Variants in GGT1 observed in about 807,000 individuals in gnomAD.
GGT1 encodes the protein gamma-glutamyltransferase 1, also known as glutathione hydrolase 1 proenzyme.
GGT1 carries 21 observed loss-of-function variants against 56.0 expected under a neutral mutation model. That is an observed-to-expected ratio of 0.38 (90% CI 0.27 to 0.54). The LOEUF (loss-of-function observed/expected upper bound fraction) is 0.54, where lower values mean the gene tolerates loss of function less well. Among genes scored for constraint, GGT1 ranks in the 20% least tolerant of loss-of-function variants. The probability of loss-of-function intolerance (pLI) is 0.82; values close to 1 mark genes in which losing one functional copy is unlikely to be tolerated. For synonymous variants in GGT1, 238 were observed against 342.6 expected, an observed-to-expected ratio of 0.69 and a Z score of 3.37; for missense variants, 466 against 787.0, an observed-to-expected ratio of 0.59 and a Z score of 4.88.
the GGT1 span, among the ~76,000 whole-genome samples, chr22:24,585,175 A>T: frequency 6.6e-6 from 1 of 152,106 alleles, no homozygotes; most frequent in East Asian, 1.9e-4. Flanking sequence ...GGCAAGCAGC[A>T]CTGTACCCTG....
At chr22:24,586,436 TGGACTAGGCAACCA>T in the GGT1 span, 2 of 1,590,042 alleles carry the variant, frequency 1.3e-6, no homozygotes, top group South Asian at 2.3e-5. Flanking sequence ...CAGGTGGGGA[TGGACTAGGCAACCA>T]GGCAGTCCCC....
At chr22:24,588,272 T>C in the GGT1 span, 159 of 1,613,420 alleles carry the variant, frequency 9.9e-5, no homozygotes, top group Admixed American at 6.2e-4. Context: ...GAGTGAGGGG[T>C]GAGGTGGTAG....
upstream of GGT1, among the ~76,000 whole-genome samples, chr22:24,590,193 C>T (rs1041569256): frequency 6.6e-6 from 1 of 152,112 alleles, no homozygotes; most frequent in Non-Finnish European, 1.5e-5. Flanking sequence ...AGTGCAGTGG[C>T]GTGATCTCAG....
chr22:24,592,964 C>A, upstream of GGT1: 1 of 1,189,608 alleles, frequency 8.4e-7, no homozygotes, highest in Non-Finnish European at 1.0e-6. Flanking sequence ...TCGTAGGGCG[C>A]GGGCCCGCAG....
chr22:24,604,199 G>A (rs891911445), intron 1 of GGT1, among the ~76,000 whole-genome samples: 12 of 151,942 alleles, frequency 7.9e-5, no homozygotes, highest in Non-Finnish European at 1.8e-4. Flanking sequence ...CAGGGTAAGG[G>A]GTGGGTGGGT....
chr22:24,589,803 C>T, the GGT1 span: 14 of 1,604,184 alleles, frequency 8.7e-6, no homozygotes, highest in East Asian at 9.0e-5. Flanking sequence ...GCCCAGGGCC[C>T]GTGCCTGCCA....
the GGT1 span, among the ~76,000 whole-genome samples, chr22:24,585,170 G>C: frequency 6.6e-6 from 1 of 152,136 alleles, no homozygotes; most frequent in African/African-American, 2.4e-5. Flanking sequence ...AGGGTGGCAA[G>C]CAGCACTGTA....
At chr22:24,623,745 G>A in intron 10 of GGT1, 35 bp from the exon 11 acceptor site, 2 of 1,607,372 alleles carry the variant, frequency 1.2e-6, no homozygotes, top group Non-Finnish European at 1.7e-6. Context: ...GAGCCTCTGG[G>A]GCTCAGCAAC....
At chr22:24,589,804 G>A in the GGT1 span, 106 of 1,605,528 alleles carry the variant, frequency 6.6e-5, no homozygotes, top group Non-Finnish European at 7.5e-5. Flanking sequence ...CCCAGGGCCC[G>A]TGCCTGCCAG....
upstream of GGT1, among the ~76,000 whole-genome samples, chr22:24,599,992 G>A (rs542230649): frequency 8.5e-5 from 13 of 152,336 alleles, no homozygotes; most frequent in South Asian, 2.5e-3. Flanking sequence ...GCATGGTGTC[G>A]GGACTGGGGC....
upstream of GGT1, among the ~76,000 whole-genome samples, chr22:24,602,959 C>T (rs1569045970): frequency 6.6e-6 from 1 of 152,238 alleles, no homozygotes; most frequent in Non-Finnish European, 1.5e-5. Flanking sequence ...TTCAGCCCCA[C>T]CGAGGCTTTC....
upstream of GGT1, among the ~76,000 whole-genome samples, chr22:24,593,526 G>A (rs1457225004): frequency 6.6e-6 from 1 of 152,140 alleles, no homozygotes; most frequent in African/African-American, 2.4e-5. Flanking sequence ...GGTGGCTCAC[G>A]CCTGTAATCC....
chr22:24,625,917 T>C (rs1238940929), intron 11 of GGT1, among the ~76,000 whole-genome samples: 2 of 149,946 alleles, frequency 1.3e-5, no homozygotes, highest in African/African-American at 5.0e-5. Flanking sequence ...GAGGGCAGAT[T>C]CAGACAGAAC....
chr22:24,588,346 T>A, the GGT1 span: 1 of 1,593,350 alleles, frequency 6.3e-7, no homozygotes, highest in Non-Finnish European at 8.6e-7. Context: ...GAGGGCAGTG[T>A]CACCATGGTG....
intron 5 of GGT1, among the ~76,000 whole-genome samples, chr22:24,614,418 C>A (rs138115984): frequency 7.1e-6 from 1 of 141,340 alleles, no homozygotes; most frequent in Admixed American, 7.1e-5. Flanking sequence ...GAGATAGAGA[C>A]CAGCCTGGCC....
rs796728786 is a variant in GGT1 at position 24,621,003 on chromosome 22, C to T, written c.666C>T (p.Ile222=). ...QLADTYETLA[I]EGAQAFYNGS... ...CTGACACCTACGAGACGCTGGCCAT[C>T]GAGGGTGCCCAGGCCTTCTACAACG... The change falls in exon 9 of 16, where the codon ATC becomes ATT. Residue 222 remains isoleucine (I), a synonymous_variant. Coordinates refer to ENST00000400382, the MANE Select transcript of GGT1 (RefSeq NM_001288833.2). 9 of 1,611,006 alleles carry T rather than the reference C, an allele frequency of 5.6e-6. No homozygotes were observed. Among genetic ancestry groups the T allele is most frequent in the African/African-American group, 2.7e-5 (2 of 74,836 alleles).
upstream of GGT1, among the ~76,000 whole-genome samples, chr22:24,600,340 G>A (rs1378916172): frequency 6.6e-6 from 1 of 152,244 alleles, no homozygotes; most frequent in Non-Finnish European, 1.5e-5. Flanking sequence ...GGGAAAGGCT[G>A]CTGTGATACC....
rs548662139 is a variant in GGT1 at position 24,621,058 on chromosome 22, A to G, written c.721A>G (p.Ile241Val). 3.2e-6 allele frequency: 5 copies of G among 1,585,480 alleles called. No individual in the cohort carries two copies. In the East Asian group the frequency reaches 9.2e-5, roughly 29 times the overall value. The change falls in exon 9 of 16, where the codon ATC (isoleucine) becomes GTC (valine). Residue 241 changes from isoleucine (I) to valine (V), a missense_variant. This residue lies in a region of GGT1 where 456 missense variants were observed against 716.7 expected (regional missense o/e 0.64). Coordinates refer to ENST00000400382, the MANE Select transcript of GGT1 (RefSeq NM_001288833.2). Reference protein sequence around the residue: ...GSLTAQIVKDIQAAGGIVTAE... With the variant: ...GSLTAQIVKDVQAAGGIVTAE... Reference sequence around the variant, plus strand: ...CCTCACGGCCCAGATTGTGAAGGACATCCAGGCGGCCGGTGAGTGGGTAAC... The same window carrying G: ...CCTCACGGCCCAGATTGTGAAGGACGTCCAGGCGGCCGGTGAGTGGGTAAC...
chr22:24,589,405 C>T, the GGT1 span: 3,079 of 1,057,800 alleles, frequency 2.9e-3, 7 homozygotes, highest in African/African-American at 9.1e-3. Context: ...TGCGGACAGA[C>T]GGGGGCTCTA....
Sources: gnomAD v4.1 joint callset for allele counts (sites outside exome capture counted in the v4.1 genomes callset) on GRCh38, gnomAD v4.1.1 for gene constraint, gnomAD v4.1.1 regional missense constraint, MANE v1.5 for transcripts, NCBI Gene and HGNC (gene_info 2026-07-23, HGNC 2026-07-21) for gene names.